Variants in TNS1 observed in about 807,000 individuals in gnomAD.
The protein encoded by TNS1 is tensin-1.
In TNS1, 62 loss-of-function variants were observed where a neutral mutation model predicts 168.6. The observed-to-expected ratio is 0.37, with a 90% CI of 0.30 to 0.45. The LOEUF (loss-of-function observed/expected upper bound fraction) is 0.45. Among genes scored for constraint, TNS1 ranks in the 20% least tolerant of loss-of-function variants. TNS1 has a pLI of 1.00. For missense variants in TNS1, 2,240 were observed against 2,339.4 expected (o/e 0.96, Z 0.88); for synonymous variants, 934 against 933.2 (o/e 1.00, Z -0.02).
In TNS1 at chr2:217,804,277, T is replaced by TCTCC; in HGVS notation, c.*181_*182insGGAG. ...ATCTTTCTCTCTCTCTCTCTCTCTC[T>TCTCC]CTCTCTCTCTCTTTTCCCCCTCCCC... On this transcript the variant is annotated 3_prime_UTR_variant, in exon 33 of 33. Coordinates refer to ENST00000682258, the MANE Select transcript of TNS1 (RefSeq NM_001387777.1). 1.5e-6 allele frequency: 1 copy of TCTCC among 661,284 alleles called. No individual in the cohort carries two copies. The highest frequency in any genetic ancestry group is 2.5e-6 in the Non-Finnish European group (1 of 395,228). The allele number at this position is 661,284 out of a possible 1,614,324, so 41.0% of individuals were successfully genotyped here.
upstream of TNS1, among the ~76,000 whole-genome samples, chr2:218,006,395 C>T (rs902627450): frequency 6.6e-6 from 1 of 152,176 alleles, no homozygotes; most frequent in Admixed American, 6.5e-5. Flanking sequence ...CAGGCCAAGG[C>T]CCCAGCCCCA....
chr2:217,959,212 G>A (rs550883649), intron 3 of TNS1, among the ~76,000 whole-genome samples: 1 of 152,312 alleles, frequency 6.6e-6, no homozygotes, highest in African/African-American at 2.4e-5. Context: ...CTCTGTTCCT[G>A]CTAAAACTGG....
At position 217,818,546 on chromosome 2, in the gene TNS1, C is replaced by T. The variant is rs760755214; in HGVS notation, c.3786G>A (p.Pro1262=). 1.9e-5 allele frequency: 31 copies of T among 1,614,100 alleles called. No homozygotes were observed. The highest frequency in any genetic ancestry group is 8.3e-5 in the Admixed American group (5 of 60,010). ...TGAACTGAGCTCGAGCCTGGCTTTC[C>T]GGAGAGGAGCTGAAATGCTGAAGTG... The part of the protein sequence containing the change: ...DYSLQHFSSS[P]ESQARAQFSV... Residue 1262 remains proline (P), a synonymous_variant, in exon 24 of 33, where the codon CCG becomes CCA. Coordinates refer to ENST00000682258, the MANE Select transcript of TNS1 (RefSeq NM_001387777.1).
At chr2:218,001,161 AAAAAATGAATAAAT>A (rs1287868118) in intron 1 of TNS1, among the ~76,000 whole-genome samples, 3 of 146,876 alleles carry the variant, frequency 2.0e-5, no homozygotes, top group Non-Finnish European at 4.6e-5. Flanking sequence ...TCAATTAAAA[AAAAAATGAATAAAT>A]AAAAATAAAG....
chr2:217,813,275 G>T lies in TNS1; in HGVS notation c.4894C>A (p.Leu1632Met). Reference protein sequence around the residue: ...DMTHELVRHFLIETGPRGVKL... With the variant: ...DMTHELVRHFMIETGPRGVKL... ...ACTCCTCTGGGGCCAGTCTCTATCA[G>T]AAAATGCCTGACCAGCTCATGGGTC... Residue 1632 changes from leucine (L) to methionine (M), a missense_variant, in exon 27 of 33, where the codon CTG becomes ATG. By Grantham distance (15) the Leu-to-Met change is conservative. This residue lies in a region of TNS1 where 2,131 missense variants were observed against 2,171.2 expected (regional missense o/e 0.98). Transcript: ENST00000682258. The surrounding 1 kb of genome is among the most constrained non-coding windows in gnomAD (Gnocchi z 4.0). 6.3e-7 allele frequency: 1 copy of T among 1,598,430 alleles called. No individual in the cohort carries two copies. Among genetic ancestry groups the T allele is most frequent in the Non-Finnish European group, 8.5e-7 (1 of 1,171,292 alleles).
intron 2 of TNS1, among the ~76,000 whole-genome samples, chr2:217,980,205 C>CT (rs1958006484): frequency 6.6e-6 from 1 of 152,116 alleles, no homozygotes; most frequent in Admixed American, 6.5e-5. Context: ...CAAGGTTTTC[C>CT]TGACCCCACC....
intron 22 of TNS1, 32 bp from the exon 23 acceptor site, chr2:217,821,970 C>T (rs1455406857): frequency 1.3e-6 from 2 of 1,550,678 alleles, no homozygotes; most frequent in South Asian, 1.2e-5. Context: ...AGACACTGAG[C>T]ACAGATGCAC....
chr2:217,878,957 GA>G (rs1260044741), intron 18 of TNS1, among the ~76,000 whole-genome samples: 1 of 152,152 alleles, frequency 6.6e-6, no homozygotes, highest in Admixed American at 6.5e-5. Context: ...CCCTCAGACA[GA>G]GGGATGGAAC....
chr2:217,966,971 C>T (rs1957657952), intron 3 of TNS1, among the ~76,000 whole-genome samples: 1 of 152,202 alleles, frequency 6.6e-6, no homozygotes, highest in South Asian at 2.1e-4. Flanking sequence ...TGTGGTATTT[C>T]AAGGATTAAA....
In TNS1 at chr2:217,849,004, C is replaced by T. The variant is rs751369945; in HGVS notation, c.1513G>A (p.Gly505Arg). 1.6e-5 allele frequency: 26 copies of T among 1,613,796 alleles called. No individual in the cohort carries two copies. The highest frequency in any genetic ancestry group is 6.7e-5 in the East Asian group (3 of 44,896). Reference protein sequence around the residue: ...KKKDSLHGSTGAVNATRPTLS... With the variant: ...KKKDSLHGSTRAVNATRPTLS... ...GTAGGACGTGTGGCATTAACAGCCC[C>T]GGTGCTGCCGTGCAGGGAGTCTTTC... The change falls in exon 19 of 33, where the codon GGG becomes AGG. Residue 505 changes from glycine to arginine, a missense_variant. By Grantham distance (125) the Gly-to-Arg change is moderately radical. This residue lies in a region of TNS1 where 2,131 missense variants were observed against 2,171.2 expected (regional missense o/e 0.98). Transcript: ENST00000682258.
chr2:217,965,091 T>G (rs13386734), intron 3 of TNS1, among the ~76,000 whole-genome samples: 10,266 of 152,120 alleles, frequency 0.067, 1,030 homozygotes, highest in African/African-American at 0.21. Flanking sequence ...TTGGAACAGG[T>G]TAAGGGAACG....
intron 18 of TNS1, among the ~76,000 whole-genome samples, chr2:217,876,181 G>A (rs909075670): frequency 2.6e-5 from 4 of 152,210 alleles, no homozygotes; most frequent in Non-Finnish European, 5.9e-5. Context: ...TGGTCAGCCT[G>A]CAGGCTTCTC....
At chr2:217,950,741 CCTT>C (rs1957218833) in intron 3 of TNS1, among the ~76,000 whole-genome samples, 1 of 151,480 alleles carries the variant, frequency 6.6e-6, no homozygotes, top group African/African-American at 2.4e-5. Context: ...TTCTTCTCTT[CCTT>C]CTTCTGTTCC....
At chr2:217,876,953 C>A (rs1015143851) in intron 18 of TNS1, among the ~76,000 whole-genome samples, 2 of 152,244 alleles carry the variant, frequency 1.3e-5, no homozygotes, top group African/African-American at 2.4e-5. Context: ...GCTGCCAGAG[C>A]AGATTAATAA....
intron 18 of TNS1, among the ~76,000 whole-genome samples, chr2:217,860,059 G>C (rs1485224823): frequency 6.6e-6 from 1 of 152,148 alleles, no homozygotes; most frequent in African/African-American, 2.4e-5. Context: ...ACCCCAAAAT[G>C]CTTCCACAGA....
At chr2:217,870,510 G>A (rs932112809) in intron 18 of TNS1, among the ~76,000 whole-genome samples, 2 of 152,162 alleles carry the variant, frequency 1.3e-5, no homozygotes, top group African/African-American at 4.8e-5. Flanking sequence ...GGTCTTGATG[G>A]GTCCGGATAG....
chr2:218,032,673 C>G lies in TNS1; in HGVS notation c.156+1147G>C, dbSNP rs116723348. Reference sequence around the variant, plus strand: ...GGGTATCACCCCTCCTCTAGTGAGGCCCCAGGTGATGGGTGCAGGCTGCTC... The same window carrying G: ...GGGTATCACCCCTCCTCTAGTGAGGGCCCAGGTGATGGGTGCAGGCTGCTC... On this transcript the variant is annotated intron_variant, in intron 1 of 1. Transcript: ENST00000649572. This position sits in a 1 kb window ranked among gnomAD's most constrained non-coding sequence, Gnocchi z 4.0. Among the ~76,000 whole-genome samples the G allele has an allele frequency of 0.025, 3,832 of 152,228 alleles. 169 individuals are homozygous for G. Among genetic ancestry groups the G allele is most frequent in the African/African-American group, 0.088 (3,643 of 41,532 alleles).
intron 30 of TNS1, among the ~76,000 whole-genome samples, chr2:217,809,492 C>CATGGATGGATGG (rs1940288514): frequency 1.1e-3 from 5 of 4,422 alleles, no homozygotes; most frequent in Admixed American, 2.3e-3. Flanking sequence ...TGGATGGATG[C>CATGGATGGATGG]ATGGATGGAT....
At position 217,859,449 on chromosome 2, in the gene TNS1, C is replaced by T. The variant is rs116710413; in HGVS notation, c.1430-10362G>A. ...GGAAAAAGAAAAAACCCCACAGGGT[C>T]CTGCACTTCCCAGAGGTGAACACAG... is the stretch of plus-strand genomic sequence containing the variant. On this transcript the variant is annotated intron_variant, in intron 18 of 32. Coordinates refer to ENST00000682258, the MANE Select transcript of TNS1 (RefSeq NM_001387777.1). 8.7e-3 allele frequency: 5,024 copies of T among 577,652 alleles called. 210 individuals are homozygous for T. Among genetic ancestry groups the T allele is most frequent in the African/African-American group, 0.083 (4,470 of 53,706 alleles). 35.8% of individuals were successfully genotyped at this position (577,652 alleles called of 1,614,324 possible). A position where few individuals can be genotyped will look rare whatever the true frequency, so the allele number is the denominator to read the frequency against.
Sources: gnomAD v4.1 joint callset for allele counts (sites outside exome capture counted in the v4.1 genomes callset) on GRCh38, gnomAD v4.1.1 for gene constraint, gnomAD v4.1.1 regional missense constraint, Gnocchi (gnomAD v3.1) non-coding constraint, MANE v1.5 for transcripts, NCBI Gene and HGNC (gene_info 2026-07-23, HGNC 2026-07-21) for gene names.